The following PYROXD2 variants were observed in gnomAD, a reference collection of about 807,000 sequenced individuals.
PYROXD2 encodes pyridine nucleotide-disulphide oxidoreductase domain 2.
Under a neutral mutation model 71.1 loss-of-function variants are expected in PYROXD2, and 69 were observed. The observed-to-expected ratio is 0.97, with a 90% confidence interval of 0.80 to 1.19. The LOEUF (loss-of-function observed/expected upper bound fraction) is 1.19. PYROXD2 is among the 50% of genes most tolerant of loss of function. PYROXD2 has a pLI of 0.00. For missense variants in PYROXD2, 745 were observed against 748.9 expected (o/e 0.99, Z 0.06); for synonymous variants, 287 against 302.7 (o/e 0.95, Z 0.54).
rs1843434035 is a variant in PYROXD2 at position 98,402,143 on chromosome 10, T to C, written c.316-1886A>G. On this transcript the variant is annotated intron_variant, in intron 4 of 15. Transcript: ENST00000370575. ...TTTTTTCAGCTCCATTGTAAGCTTA[T>C]GGGACCACCACTGTATATAGTCTAT... is the stretch of plus-strand genomic sequence containing the variant. 2.0e-5 allele frequency among the ~76,000 whole-genome samples: 3 copies of C among 152,336 alleles called. 1 individual carries two copies. Among genetic ancestry groups the C allele is most frequent in the Middle Eastern group, 6.8e-3 (2 of 294 alleles).
intron 13 of PYROXD2, 147 bp from the exon 14 acceptor site, chr10:98,387,454 T>C: frequency 3.3e-6 from 2 of 607,372 alleles, no homozygotes; most frequent in South Asian, 2.1e-5. Context: ...CCTCAATAGG[T>C]GAAAAACAAA....
chr10:98,409,581 T>C (rs549930665), intron 2 of PYROXD2, among the ~76,000 whole-genome samples: 2 of 152,296 alleles, frequency 1.3e-5, no homozygotes, highest in South Asian at 4.1e-4. Flanking sequence ...CAGCCTTCCT[T>C]GGCCTGGAAA....
intron 4 of PYROXD2, among the ~76,000 whole-genome samples, chr10:98,401,525 T>C (rs1255342254): frequency 2.0e-5 from 3 of 152,196 alleles, no homozygotes; most frequent in African/African-American, 7.2e-5. Context: ...TTTTAAACTT[T>C]ATAAACATTT....
At chr10:98,410,148 C>T (rs1412561075) in intron 2 of PYROXD2, among the ~76,000 whole-genome samples, 4 of 152,106 alleles carry the variant, frequency 2.6e-5, no homozygotes, top group Non-Finnish European at 2.9e-5. Context: ...TACAAAATGC[C>T]GCACGTAAAA....
intron 8 of PYROXD2, among the ~76,000 whole-genome samples, chr10:98,394,656 T>A (rs548720573): frequency 6.6e-6 from 1 of 151,898 alleles, no homozygotes; most frequent in Non-Finnish European, 1.5e-5. Context: ...GACTGCCACC[T>A]CTCGGATTGG....
intron 4 of PYROXD2, among the ~76,000 whole-genome samples, chr10:98,406,060 C>A (rs747072986): frequency 7.2e-5 from 11 of 152,188 alleles, no homozygotes; most frequent in Non-Finnish European, 1.2e-4. Context: ...GCCCTCCAGG[C>A]TGTCAATGTC....
At chr10:98,397,543 C>T (rs778680024) in intron 5 of PYROXD2, 45 bp from the exon 6 acceptor site, 2 of 1,513,404 alleles carry the variant, frequency 1.3e-6, no homozygotes, top group South Asian at 2.6e-5. Flanking sequence ...CACATCCCTG[C>T]CCTCCATGCT....
At chr10:98,385,660 C>CT (rs1842727220) in intron 14 of PYROXD2, among the ~76,000 whole-genome samples, 1 of 152,234 alleles carries the variant, frequency 6.6e-6, no homozygotes, top group Admixed American at 6.5e-5. Context: ...TGCTCCCCCA[C>CT]TGCCCTCTTC....
Position 98,393,035 on chromosome 10 carries a change from C to T in PYROXD2, c.834G>A (p.Gly278=), listed in dbSNP as rs370632716. The change falls in exon 9 of 16, where the codon GGG becomes GGA. Residue 278 remains glycine (G), a synonymous_variant. Coordinates refer to ENST00000370575, the MANE Select transcript of PYROXD2 (RefSeq NM_032709.3). ...HVMGGLEGMQ[G]AWGYVQGGMG... is the part of the protein sequence containing the mutation. ...TGCCCCCCTGGACGTAGCCCCAGGCCCCCTGCATTCCCTCCAGGCCCCCCA... is the reference window on the plus strand; with the variant it reads ...TGCCCCCCTGGACGTAGCCCCAGGCTCCCTGCATTCCCTCCAGGCCCCCCA... 1 of 1,603,512 alleles carries T rather than the reference C, an allele frequency of 6.2e-7. No homozygotes were observed. Among genetic ancestry groups the T allele is most frequent in the African/African-American group, 1.3e-5 (1 of 74,266 alleles).
At chr10:98,394,677 C>A (rs1180829978) in intron 8 of PYROXD2, among the ~76,000 whole-genome samples, 2 of 151,936 alleles carry the variant, frequency 1.3e-5, no homozygotes, top group Non-Finnish European at 2.9e-5. Context: ...GCTGTCAGCA[C>A]AAACCCTCAC....
At chr10:98,400,034 C>A in intron 5 of PYROXD2, 68 bp downstream of exon 5, 2 of 1,566,070 alleles carry the variant, frequency 1.3e-6, no homozygotes, top group Non-Finnish European at 1.7e-6. Context: ...TGTTCTAGGA[C>A]AATCCAACCA....
chr10:98,405,754 T>C (rs1360641744), intron 4 of PYROXD2, among the ~76,000 whole-genome samples: 2 of 152,212 alleles, frequency 1.3e-5, no homozygotes, highest in Non-Finnish European at 2.9e-5. Context: ...GCCAGAGACG[T>C]GTGAGTCTGG....
chr10:98,414,971 G>C, intron 1 of PYROXD2, 38 bp downstream of exon 1: 2 of 1,585,738 alleles, frequency 1.3e-6, no homozygotes, highest in East Asian at 2.3e-5. Context: ...CTGTCTTCCC[G>C]CCCCTCAGCT....
chr10:98,389,445 G>C (rs1842872794), intron 12 of PYROXD2, among the ~76,000 whole-genome samples: 1 of 152,120 alleles, frequency 6.6e-6, no homozygotes, highest in Non-Finnish European at 1.5e-5. Context: ...GTCCAGGTTG[G>C]TCTTTTTAAA....
At chr10:98,404,454 A>G (rs182845062) in intron 4 of PYROXD2, among the ~76,000 whole-genome samples, 1 of 152,200 alleles carries the variant, frequency 6.6e-6, no homozygotes, top group Non-Finnish European at 1.5e-5. Flanking sequence ...TCTTTTAACA[A>G]TAGGTTTAAT....
At chr10:98,395,532 T>A (rs1843139290) in intron 6 of PYROXD2, 80 bp from the exon 7 acceptor site, 16 of 1,276,828 alleles carry the variant, frequency 1.3e-5, no homozygotes, top group Non-Finnish European at 1.5e-5. Context: ...GATAAAAGCA[T>A]GGAGGATGCT....
At chr10:98,414,174 A>G (rs1843886727) in intron 1 of PYROXD2, 1 of 152,138 alleles carries the variant, frequency 6.6e-6, no homozygotes, top group South Asian at 2.1e-4. Context: ...CCAGCTCGCA[A>G]CTGCTCTAGT....
Position 98,390,607 on chromosome 10 carries a change from G to A in PYROXD2, c.1283C>T (p.Pro428Leu). The A allele has an allele frequency of 1.3e-6, 2 of 1,593,252 alleles. No individual in the cohort carries two copies. Among genetic ancestry groups the A allele is most frequent in the Non-Finnish European group, 1.7e-6 (2 of 1,169,438 alleles). ...AGTCCAGGGCCCCTACCTGTGGGAA[G>A]GCAGGCCATCCATGGCATCTTCAAA... ...QAFEDAMDGL[P>L]SHRPVIELCI... is the part of the protein sequence containing the mutation. The change falls in exon 12 of 16, where the codon CCT becomes CTT. Residue 428 changes from proline to leucine, a missense_variant. Transcript: ENST00000370575.
In PYROXD2 at chr10:98,393,051, A is replaced by T. The variant is rs1326968593; in HGVS notation, c.818T>A (p.Leu273Gln). The T allele has an allele frequency of 1.9e-6, 3 of 1,591,646 alleles. No homozygotes were observed. The highest frequency in any genetic ancestry group is 2.6e-6 in the Non-Finnish European group (3 of 1,171,944). Reference protein sequence around the residue: ...YVLLHHVMGGLEGMQGAWGYV... With the variant: ...YVLLHHVMGGQEGMQGAWGYV... ...GCCCCAGGCCCCCTGCATTCCCTCC[A>T]GGCCCCCCATCACATGGTGCAGCAG... Residue 273 changes from leucine to glutamine, a missense_variant, in exon 9 of 16, where the codon CTG becomes CAG. Leu to Gln is a moderately radical substitution (Grantham distance 113, BLOSUM62 -2). Coordinates refer to ENST00000370575, the MANE Select transcript of PYROXD2 (RefSeq NM_032709.3).
Sources: gnomAD v4.1 joint callset for allele counts (sites outside exome capture counted in the v4.1 genomes callset) on GRCh38, gnomAD v4.1.1 for gene constraint, MANE v1.5 for transcripts, NCBI Gene and HGNC (gene_info 2026-07-23, HGNC 2026-07-21) for gene names.